The following SFXN1 variants were observed in gnomAD, a reference collection of about 807,000 sequenced individuals.
SFXN1 encodes sideroflexin 1.
In SFXN1, 32 loss-of-function variants were observed where a neutral mutation model predicts 39.5. The observed-to-expected ratio is 0.81, with a 90% CI of 0.61 to 1.09. The LOEUF is 1.09. SFXN1 is among the 50% of genes least tolerant of loss of function. The pLI is 0.00. For missense variants in SFXN1, 402 were observed against 407.1 expected (o/e 0.99, Z 0.11); for synonymous variants, 136 against 146.5 (o/e 0.93, Z 0.52).
At chr5:175,507,973 T>TAAAAA (rs74722265) in intron 2 of SFXN1, among the ~76,000 whole-genome samples, 1 of 124,340 alleles carries the variant, frequency 8.0e-6, no homozygotes, top group African/African-American at 3.1e-5. Flanking sequence ...ACCCTGTCTT[T>TAAAAA]AAAAAAAAAA....
In SFXN1 at chr5:175,526,635, C is replaced by T. The variant is rs1761068223; in HGVS notation, c.873-3C>T. On this transcript the variant is annotated splice_region_variant and splice_polypyrimidine_tract_variant and intron_variant, in intron 10 of 10. Transcript: ENST00000321442. The stretch of plus-strand genomic sequence containing the variant: ...TAACCCTGTCATTTCTCCCTTATCC[C>T]AGTTCCATGTCTGTGACAAGCTTGG... 6.2e-7 allele frequency: 1 copy of T among 1,613,618 alleles called. No homozygotes were observed. Among genetic ancestry groups the T allele is most frequent in the African/African-American group, 1.3e-5 (1 of 74,920 alleles).
At chr5:175,480,984 C>T (rs750354327) in intron 1 of SFXN1, among the ~76,000 whole-genome samples, 7 of 152,232 alleles carry the variant, frequency 4.6e-5, no homozygotes, top group Non-Finnish European at 7.3e-5. Flanking sequence ...GTCAAACCTG[C>T]ACTTAATTAC....
At position 175,513,519 on chromosome 5, in the gene SFXN1, C is replaced by T. The variant is rs769702628; in HGVS notation, c.653C>T (p.Ser218Leu). The change falls in exon 7 of 11, where the codon TCG becomes TTG. Residue 218 changes from serine to leucine, a missense_variant. Coordinates refer to ENST00000321442, the MANE Select transcript of SFXN1 (RefSeq NM_022754.7). ...TDENGNRLGE[S>L]ANAAKQAITQ... is the part of the protein sequence containing the mutation. ...GAGAATGGGAACCGCTTGGGGGAGT[C>T]GGCGAACGCTGCGAAACAAGCCATC... 81 of 1,613,668 alleles carry T rather than the reference C, an allele frequency of 5.0e-5. No individual in the cohort carries two copies. The highest frequency in any genetic ancestry group is 6.7e-5 in the Non-Finnish European group (79 of 1,179,920).
At chr5:175,524,120 AAAAAAATAT>A (rs1480604240) in intron 10 of SFXN1, 17 of 38,000 alleles carry the variant, frequency 4.5e-4, no homozygotes, top group Admixed American at 7.5e-4. Context: ...AAAAAAAAAA[AAAAAAATAT>A]ATATATATAT....
In SFXN1 at chr5:175,510,156, A is replaced by T; in HGVS notation, c.383A>T (p.Asn128Ile). 1.2e-6 allele frequency: 2 copies of T among 1,613,442 alleles called. No homozygotes were observed. Among genetic ancestry groups the T allele is most frequent in the Non-Finnish European group, 1.7e-6 (2 of 1,179,812 alleles). ...LFWQWINQSF[N>I]AVVNYTNRSG... ...TGGCAGTGGATTAACCAGTCCTTCA[A>T]TGCCGTCGTCAATTACACCAACAGA... The change falls in exon 4 of 11, where the codon AAT becomes ATT. Residue 128 changes from asparagine to isoleucine, a missense_variant. Physicochemically the swap from Asn to Ile is moderately radical, Grantham distance 149. Coordinates refer to ENST00000321442, the MANE Select transcript of SFXN1 (RefSeq NM_022754.7).
At chr5:175,489,005 A>G (rs933983995) in intron 1 of SFXN1, among the ~76,000 whole-genome samples, 6 of 152,184 alleles carry the variant, frequency 3.9e-5, no homozygotes, top group African/African-American at 1.4e-4. Flanking sequence ...GTCAGCACCA[A>G]TAGGGCAGGA....
chr5:175,510,192 C>T lies in SFXN1; in HGVS notation c.419C>T (p.Ala140Val), dbSNP rs1466073690. The T allele has an allele frequency of 1.2e-6, 2 of 1,611,924 alleles. No homozygotes were observed. Among genetic ancestry groups the T allele is most frequent in the Admixed American group, 1.7e-5 (1 of 59,762 alleles). The change falls in exon 4 of 11, where the codon GCA becomes GTA. Residue 140 changes from alanine (A) to valine (V), a missense_variant. Transcript: ENST00000321442. Reference sequence around the variant, plus strand: ...AATTACACCAACAGAAGTGGAGACGCACCCCTCACTGTCAAGTAAGGCTAC... The same window carrying T: ...AATTACACCAACAGAAGTGGAGACGTACCCCTCACTGTCAAGTAAGGCTAC... ...VVNYTNRSGDAPLTVNELGTA... is the reference protein window; with the variant it reads ...VVNYTNRSGDVPLTVNELGTA...
At chr5:175,505,936 C>T (rs1049450535) in intron 2 of SFXN1, among the ~76,000 whole-genome samples, 1 of 152,188 alleles carries the variant, frequency 6.6e-6, no homozygotes, top group East Asian at 1.9e-4. Context: ...TCTGCCTCAG[C>T]TTTCCGAGCA....
intron 2 of SFXN1, among the ~76,000 whole-genome samples, chr5:175,506,180 A>G (rs369581445): frequency 2.8e-4 from 42 of 152,212 alleles, no homozygotes; most frequent in Non-Finnish European, 4.9e-4. Context: ...AAAGAAAACA[A>G]CTATTCTGAG....
intron 10 of SFXN1, chr5:175,526,047 C>T (rs1761046962): frequency 6.6e-6 from 1 of 152,058 alleles, no homozygotes; most frequent in South Asian, 2.1e-4. Context: ...TATATACACC[C>T]ATAATACCTT....
At chr5:175,524,276 G>C (rs1241822615) in intron 10 of SFXN1, among the ~76,000 whole-genome samples, 1 of 150,798 alleles carries the variant, frequency 6.6e-6, no homozygotes, top group African/African-American at 2.4e-5. Flanking sequence ...TTATATTTGT[G>C]TATGTATCTT....
In SFXN1 at chr5:175,491,987, G is replaced by A. The variant is rs940908542; in HGVS notation, c.-9-108G>A. 3.2e-5 allele frequency: 21 copies of A among 647,930 alleles called. 1 individual carries two copies. In the South Asian group the frequency reaches 5.4e-4, roughly 17 times the overall value. The allele number at this position is 647,930 out of a possible 1,614,324, so 40.1% of individuals were successfully genotyped here. ...TATAGCAAAATTATCTTTATAAATA[G>A]GAAGAGTATGTACATATTTACTCAA... On this transcript the variant is annotated intron_variant, in intron 1 of 10. Transcript: ENST00000321442.
At chr5:175,501,363 C>T (rs568230384) in intron 2 of SFXN1, among the ~76,000 whole-genome samples, 16 of 151,890 alleles carry the variant, frequency 1.1e-4, no homozygotes, top group South Asian at 2.1e-4. Context: ...CCACCGCGCC[C>T]GGCAGTATGG....
rs1227752736 is a variant in SFXN1 at position 175,521,981 on chromosome 5, T to C, written c.824+13T>C. 2 of 1,588,740 alleles carry C rather than the reference T, an allele frequency of 1.3e-6. No homozygotes were observed. The highest frequency in any genetic ancestry group is 1.1e-5 in the South Asian group (1 of 87,918). On this transcript the variant is annotated intron_variant, in intron 9 of 10. Transcript: ENST00000321442. ...TAGTTGGCTTCTGGTGAGTAGAAAT[T>C]ACTTTTACATAATTAATTTCTTTTA...
At position 175,513,531 on chromosome 5, in the gene SFXN1, C is replaced by T. The variant is rs1469591827; in HGVS notation, c.665C>T (p.Ala222Val). ...CGCTTGGGGGAGTCGGCGAACGCTG[C>T]GAAACAAGCCATCACGCAAGTTGTC... is the stretch of plus-strand genomic sequence containing the variant. Reference protein sequence around the residue: ...GNRLGESANAAKQAITQVVVS... With the variant: ...GNRLGESANAVKQAITQVVVS... The change falls in exon 7 of 11, where the codon GCG becomes GTG. Residue 222 changes from alanine (A) to valine (V), a missense_variant. Transcript: ENST00000321442. The T allele has an allele frequency of 3.1e-6, 5 of 1,613,788 alleles. No individual in the cohort carries two copies. The highest frequency in any genetic ancestry group is 2.2e-5 in the East Asian group (1 of 44,856).
At chr5:175,508,837 A>G (rs974442754) in intron 2 of SFXN1, among the ~76,000 whole-genome samples, 195 bp from the exon 3 acceptor site, 5 of 151,020 alleles carry the variant, frequency 3.3e-5, no homozygotes, top group African/African-American at 7.3e-5. Context: ...GGGTTTCACC[A>G]TCTTGGCCAG....
At chr5:175,512,780 T>G (rs141561136) in intron 6 of SFXN1, among the ~76,000 whole-genome samples, 1 of 152,216 alleles carries the variant, frequency 6.6e-6, no homozygotes, top group African/African-American at 2.4e-5. Context: ...AGTGACTGTT[T>G]CCATGTCAGC....
At position 175,527,210 on chromosome 5, in the gene SFXN1, AC is replaced by A. The variant is rs5873502; in HGVS notation, c.*479del. 0.26 allele frequency: 40,231 copies of A among 153,776 alleles called. 7,587 individuals carry two copies. Among genetic ancestry groups the A allele is most frequent in the African/African-American group, 0.54 (22,254 of 41,456 alleles). The allele number at this position is 153,776 out of a possible 1,614,324, so 9.5% of individuals were successfully genotyped here. A position where few individuals can be genotyped will look rare whatever the true frequency, so the allele number is the denominator to read the frequency against. ...GCTCTGGGCTAATCTATAAAAACTT[AC>A]CCTGAAATATTAAGGGCAGTTTGCT... On this transcript the variant is annotated 3_prime_UTR_variant, in exon 11 of 11. Transcript: ENST00000321442.
intron 8 of SFXN1, among the ~76,000 whole-genome samples, chr5:175,521,247 T>G (rs1760869754): frequency 2.5e-5 from 1 of 39,640 alleles, no homozygotes; most frequent in South Asian, 1.9e-3. Flanking sequence ...ACTTGTTCAT[T>G]TCCATTAAAA....
Sources: allele counts gnomAD v4.1 joint callset (sites outside exome capture counted in the v4.1 genomes callset), GRCh38; gene constraint gnomAD v4.1.1; transcripts MANE v1.5; gene names NCBI Gene and HGNC (gene_info 2026-07-23, HGNC 2026-07-21).